NFIB: variants seen among roughly 807,000 people sequenced by gnomAD.
The protein encoded by NFIB is nuclear factor 1 B-type.
In NFIB, 11 loss-of-function variants were observed where a neutral mutation model predicts 61.5. That is an observed-to-expected ratio of 0.18 (90% CI 0.11 to 0.30). The LOEUF is 0.30. Among genes scored for constraint, NFIB ranks in the 10% least tolerant of loss-of-function variants. NFIB has a pLI of 1.00. For synonymous variants in NFIB, 260 were observed against 216.5 expected, an observed-to-expected ratio of 1.20 and a Z score of -1.76; for missense variants, 471 against 608.9, an observed-to-expected ratio of 0.77 and a Z score of 2.38.
chr9:14,326,535 G>C (rs1184254540), intron 1 of NFIB, among the ~76,000 whole-genome samples: 2 of 152,264 alleles, frequency 1.3e-5, no homozygotes, highest in African/African-American at 2.4e-5. Flanking sequence ...TAAATCTCAA[G>C]TGGTTTGTGG....
Position 14,086,121 on chromosome 9 carries a change from G to C in NFIB, c.*2188C>G, listed in dbSNP as rs199995513. On this transcript the variant is annotated 3_prime_UTR_variant, in exon 11 of 11. Transcript: ENST00000380953. ...GCAACCCAGGTGGGAAGTTAGAGAG[G>C]GGAACCTGTGTAAGTTGAAGTTTGT... is the stretch of plus-strand genomic sequence containing the variant. The C allele has an allele frequency of 4.7e-4, 105 of 224,954 alleles. No individual in the cohort carries two copies. The East Asian group carries it at 5.7e-3, about 12-fold the overall frequency. 13.9% of individuals were successfully genotyped at this position (224,954 alleles called of 1,614,324 possible).
rs1450133554 is a variant in NFIB, at chr9:14,086,631, T to C, written c.*1678A>G. 1.8e-5 allele frequency: 4 copies of C among 217,144 alleles called. No individual in the cohort carries two copies. In the East Asian group the frequency reaches 2.7e-4, roughly 15 times the overall value. The allele number at this position is 217,144 out of a possible 1,614,324, so 13.5% of individuals were successfully genotyped here. A position where few individuals can be genotyped will look rare whatever the true frequency, so the allele number is the denominator to read the frequency against. On this transcript the variant is annotated 3_prime_UTR_variant, in exon 11 of 11. Transcript: ENST00000380953. ...CATGATATGCTTTATAAATGTGAGATAAAGGTATAACTGTCTAAAAAATCC... is the reference window on the plus strand; with the variant it reads ...CATGATATGCTTTATAAATGTGAGACAAAGGTATAACTGTCTAAAAAATCC...
chr9:14,278,058 C>T (rs534258930), intron 2 of NFIB, among the ~76,000 whole-genome samples: 5 of 152,128 alleles, frequency 3.3e-5, no homozygotes, highest in Admixed American at 2.0e-4. Context: ...CAGCATCTTA[C>T]GACCATGAGT....
the NFIB span, among the ~76,000 whole-genome samples, chr9:14,460,106 T>C: frequency 2.6e-5 from 4 of 152,050 alleles, no homozygotes; most frequent in Non-Finnish European, 5.9e-5. Context: ...TAGCAAAAAC[T>C]TGGAACCAAC....
intron 2 of NFIB, among the ~76,000 whole-genome samples, chr9:14,291,772 GA>G (rs1186069458): frequency 6.6e-6 from 1 of 150,688 alleles, no homozygotes; most frequent in Non-Finnish European, 1.5e-5. Flanking sequence ...AACTAGCTCT[GA>G]CCTTTTCTTT....
At chr9:14,141,457 T>C (rs1390349972) in intron 6 of NFIB, among the ~76,000 whole-genome samples, 2 of 152,180 alleles carry the variant, frequency 1.3e-5, no homozygotes, top group African/African-American at 2.4e-5. Context: ...GATTTACGGC[T>C]CATCGTCCTT....
At chr9:14,484,092 C>G in the NFIB span, among the ~76,000 whole-genome samples, 4 of 152,158 alleles carry the variant, frequency 2.6e-5, no homozygotes, top group African/African-American at 9.7e-5. Flanking sequence ...ACTTTATTAC[C>G]TAGTTACTCC....
chr9:14,351,509 C>A (rs1340177732), intron 1 of NFIB, among the ~76,000 whole-genome samples: 1 of 152,194 alleles, frequency 6.6e-6, no homozygotes, highest in Non-Finnish European at 1.5e-5. Context: ...CAACTGCACT[C>A]AAGGAACACC....
intron 3 of NFIB, among the ~76,000 whole-genome samples, chr9:14,164,366 T>C (rs1225322320): frequency 6.6e-6 from 1 of 152,050 alleles, no homozygotes; most frequent in Non-Finnish European, 1.5e-5. Flanking sequence ...CTAGGCTATA[T>C]GCATGAAATT....
the NFIB span, among the ~76,000 whole-genome samples, chr9:14,469,419 A>G: frequency 6.6e-6 from 1 of 152,142 alleles, no homozygotes; most frequent in Non-Finnish European, 1.5e-5. Flanking sequence ...TCTCTGGATT[A>G]CTGTATTATT....
chr9:14,139,167 G>C (rs1563825441), intron 6 of NFIB, among the ~76,000 whole-genome samples: 1 of 152,118 alleles, frequency 6.6e-6, no homozygotes, highest in Non-Finnish European at 1.5e-5. Context: ...AAAATCCCTT[G>C]AACAAAGATC....
At position 14,120,985 on chromosome 9, in the gene NFIB, G is replaced by A. The variant is rs946556736; in HGVS notation, c.1061-361C>T. The stretch of plus-strand genomic sequence containing the variant: ...TCTTTGATTATAAAATCTTTAGGCC[G>A]GGTGCAGTAGCTCACACCTGTAATC... On this transcript the variant is annotated intron_variant, in intron 7 of 10. Transcript: ENST00000380953. The surrounding 1 kb of genome is among the most constrained non-coding windows in gnomAD (Gnocchi z 4.4). 7.2e-5 allele frequency among the ~76,000 whole-genome samples: 11 copies of A among 152,128 alleles called. No homozygotes were observed. The highest frequency in any genetic ancestry group is 2.2e-4 in the African/African-American group (9 of 41,424).
intron 3 of NFIB, among the ~76,000 whole-genome samples, chr9:14,161,974 T>C (rs2044254628): frequency 1.3e-5 from 2 of 152,174 alleles, no homozygotes; most frequent in African/African-American, 2.4e-5. Context: ...TTTTTAATTG[T>C]GGCAAGTTGA....
chr9:14,234,558 C>T (rs2053544790), intron 2 of NFIB, among the ~76,000 whole-genome samples: 1 of 151,892 alleles, frequency 6.6e-6, no homozygotes, highest in Non-Finnish European at 1.5e-5. Flanking sequence ...TTAGTAGAGA[C>T]AGGGTTTCAC....
At chr9:14,130,591 G>T (rs1004574406) in intron 6 of NFIB, among the ~76,000 whole-genome samples, 1 of 151,710 alleles carries the variant, frequency 6.6e-6, no homozygotes, top group Admixed American at 6.6e-5. Flanking sequence ...TTAAAAAGGT[G>T]ACTAATGGCT....
chr9:14,391,223 T>C (rs1012084991), intron 1 of NFIB, among the ~76,000 whole-genome samples: 1 of 152,092 alleles, frequency 6.6e-6, no homozygotes, highest in African/African-American at 2.4e-5. Flanking sequence ...ATATTATCAG[T>C]GATAAATCAT....
intron 2 of NFIB, among the ~76,000 whole-genome samples, chr9:14,261,153 C>T (rs892763262): frequency 6.6e-6 from 1 of 152,102 alleles, no homozygotes; most frequent in East Asian, 1.9e-4. Flanking sequence ...CCCGTCTCTA[C>T]TAAAAATCCA....
the NFIB span, among the ~76,000 whole-genome samples, chr9:14,414,707 T>C: frequency 3.9e-5 from 6 of 152,128 alleles, no homozygotes; most frequent in African/African-American, 1.4e-4. Flanking sequence ...ATGACAATTT[T>C]GTTGTTACAT....
intron 1 of NFIB, among the ~76,000 whole-genome samples, chr9:14,346,127 G>A (rs2061015571): frequency 6.6e-6 from 1 of 152,074 alleles, no homozygotes; most frequent in Non-Finnish European, 1.5e-5. Flanking sequence ...CGCGCCGCGG[G>A]CGCGGGGGGC....
Sources: allele counts gnomAD v4.1 joint callset (sites outside exome capture counted in the v4.1 genomes callset), GRCh38; gene constraint gnomAD v4.1.1; non-coding constraint Gnocchi (gnomAD v3.1); transcripts MANE v1.5; gene names NCBI Gene and HGNC (gene_info 2026-07-23, HGNC 2026-07-21).